ABLIM1: variants seen among roughly 807,000 people sequenced by gnomAD.
ABLIM1 encodes actin-binding LIM protein 1.
ABLIM1 carries 40 observed loss-of-function variants against 107.0 expected under a neutral mutation model. The observed-to-expected ratio is 0.37, with a 90% CI of 0.29 to 0.49. The LOEUF is 0.49. ABLIM1 is among the 20% of genes least tolerant of loss of function. The pLI is 0.97. For missense variants in ABLIM1, 857 were observed against 1,008.5 expected, an observed-to-expected ratio of 0.85 and a Z score of 2.04; for synonymous variants, 357 against 357.3, an observed-to-expected ratio of 1.00 and a Z score of 0.01.
intron 1 of ABLIM1, among the ~76,000 whole-genome samples, chr10:114,712,301 C>T (rs111258593): frequency 0.017 from 2,480 of 144,556 alleles, 68 homozygotes; most frequent in African/African-American, 0.062. Flanking sequence ...TGCAATGAGC[C>T]GAGATCACGC....
chr10:114,704,324 A>C (rs1173370182), intron 1 of ABLIM1, among the ~76,000 whole-genome samples: 6 of 84,840 alleles, frequency 7.1e-5, no homozygotes, highest in Non-Finnish European at 7.7e-5. Context: ...ATATATATAT[A>C]TATATATATA....
chr10:114,694,267 G>A (rs774374860), intron 1 of ABLIM1, among the ~76,000 whole-genome samples: 4 of 152,138 alleles, frequency 2.6e-5, no homozygotes, highest in African/African-American at 9.7e-5. Flanking sequence ...GTTCTGGCCC[G>A]GGTGCCACTC....
intron 1 of ABLIM1, among the ~76,000 whole-genome samples, chr10:114,609,330 TG>T (rs1223533943): frequency 1.3e-5 from 2 of 152,224 alleles, no homozygotes; most frequent in African/African-American, 2.4e-5. Flanking sequence ...CCTCACTTGC[TG>T]TGGTTTCTCT....
At chr10:114,524,587 C>G (rs1177790547) in intron 6 of ABLIM1, among the ~76,000 whole-genome samples, 2 of 151,898 alleles carry the variant, frequency 1.3e-5, no homozygotes, top group African/African-American at 4.8e-5. Flanking sequence ...AAACAAACAA[C>G]AACAACAACA....
intron 6 of ABLIM1, among the ~76,000 whole-genome samples, chr10:114,515,148 G>A (rs1052209901): frequency 6.6e-6 from 1 of 152,212 alleles, no homozygotes; most frequent in Non-Finnish European, 1.5e-5. Context: ...CTGCAATGCT[G>A]CATTCGAATT....
At chr10:114,609,006 CAA>C (rs111238539) in intron 1 of ABLIM1, among the ~76,000 whole-genome samples, 11 of 133,640 alleles carry the variant, frequency 8.2e-5, no homozygotes, top group South Asian at 2.4e-4. Context: ...GACTCTGCCT[CAA>C]AAAAAAAAAA....
rs140256636 is a variant in ABLIM1 at position 114,490,974 on chromosome 10, ATGTG to A, written c.982+813_982+816del. ...GTGAGCCACCACGCCCGGCATATAT[ATGTG>A]TGTGTGTGTGTGTGTGTGTGTGTGT... On this transcript the variant is annotated intron_variant, in intron 7 of 22. Coordinates refer to ENST00000533213, the MANE Select transcript of ABLIM1 (RefSeq NM_002313.7). 5.3e-3 allele frequency among the ~76,000 whole-genome samples: 522 copies of A among 99,182 alleles called. 6 individuals are homozygous for A. The highest frequency in any genetic ancestry group is 0.012 in the African/African-American group (309 of 25,460). The allele number at this position is 99,182 out of a possible 152,430, so 65.1% of individuals were successfully genotyped here. A position where few individuals can be genotyped will look rare whatever the true frequency, so the allele number is the denominator to read the frequency against.
intron 8 of ABLIM1, among the ~76,000 whole-genome samples, chr10:114,478,095 T>C (rs2056765416): frequency 6.6e-6 from 1 of 152,158 alleles, no homozygotes; most frequent in East Asian, 1.9e-4. Context: ...TTATCTTTTT[T>C]TATTTACACT....
intron 6 of ABLIM1, among the ~76,000 whole-genome samples, chr10:114,535,222 T>A (rs1309454644): frequency 1.3e-5 from 2 of 152,174 alleles, no homozygotes; most frequent in Non-Finnish European, 2.9e-5. Flanking sequence ...CACTCTACAA[T>A]CAAGGCCATG....
chr10:114,481,964 G>C (rs957867466), intron 8 of ABLIM1, among the ~76,000 whole-genome samples: 2 of 152,184 alleles, frequency 1.3e-5, no homozygotes, highest in South Asian at 2.1e-4. Context: ...AGATTGACAA[G>C]TGCATATGTT....
intron 1 of ABLIM1, among the ~76,000 whole-genome samples, chr10:114,751,299 T>C (rs1473142836): frequency 6.6e-6 from 1 of 151,984 alleles, no homozygotes; most frequent in Non-Finnish European, 1.5e-5. Context: ...AATAAATAAA[T>C]AAAAGATATA....
chr10:114,564,329 A>T (rs933010723), intron 4 of ABLIM1, among the ~76,000 whole-genome samples: 1 of 151,902 alleles, frequency 6.6e-6, no homozygotes, highest in African/African-American at 2.4e-5. Flanking sequence ...CAGTGGCATT[A>T]TCTCGGCTCA....
the ABLIM1 span, among the ~76,000 whole-genome samples, chr10:114,795,083 A>G: frequency 1.3e-5 from 2 of 152,198 alleles, no homozygotes; most frequent in African/African-American, 4.8e-5. Context: ...AGGAAGAAAA[A>G]AATAAAAATA....
intron 12 of ABLIM1, among the ~76,000 whole-genome samples, chr10:114,456,947 A>AC (rs1565334147): frequency 6.6e-6 from 1 of 151,536 alleles, no homozygotes; most frequent in Non-Finnish European, 1.5e-5. Context: ...AAAAAAAAAA[A>AC]AAACACTACT....
At chr10:114,725,167 C>T (rs936912619) in intron 1 of ABLIM1, among the ~76,000 whole-genome samples, 22 of 152,018 alleles carry the variant, frequency 1.4e-4, no homozygotes, top group Admixed American at 1.2e-3. Flanking sequence ...AATATCCCTC[C>T]GAATTTAAAG....
intron 6 of ABLIM1, among the ~76,000 whole-genome samples, chr10:114,544,682 CAT>C (rs564145944): frequency 1.3e-4 from 20 of 152,184 alleles, no homozygotes; most frequent in Non-Finnish European, 2.4e-4. Context: ...TGTATACACA[CAT>C]GATTTCACAC....
chr10:114,511,193 A>G (rs1474068292), intron 6 of ABLIM1, among the ~76,000 whole-genome samples: 4 of 152,054 alleles, frequency 2.6e-5, no homozygotes, highest in Non-Finnish European at 4.4e-5. Context: ...AATCAATTAT[A>G]CCTCAAACTA....
At chr10:114,757,427 G>T (rs2082654962) in intron 1 of ABLIM1, among the ~76,000 whole-genome samples, 1 of 152,142 alleles carries the variant, frequency 6.6e-6, no homozygotes, top group African/African-American at 2.4e-5. Flanking sequence ...CATTTCAAAT[G>T]TCCAAAATAC....
At chr10:114,672,986 A>T (rs1472442831) in intron 1 of ABLIM1, among the ~76,000 whole-genome samples, 2 of 152,032 alleles carry the variant, frequency 1.3e-5, no homozygotes, top group East Asian at 1.9e-4. Flanking sequence ...AGCCGGGCTC[A>T]GTGGCTCATG....
Sources: gnomAD v4.1 joint callset for allele counts (sites outside exome capture counted in the v4.1 genomes callset) on GRCh38, gnomAD v4.1.1 for gene constraint, MANE v1.5 for transcripts, NCBI Gene and HGNC (gene_info 2026-07-23, HGNC 2026-07-21) for gene names.